The following CASQ2 variants were observed in gnomAD, a reference collection of about 807,000 sequenced individuals.
CASQ2 encodes calsequestrin-2.
Under a neutral mutation model 46.5 loss-of-function variants are expected in CASQ2, and 49 were observed. That is an observed-to-expected ratio of 1.05 (90% CI 0.84 to 1.34). The LOEUF is 1.34. Ranked by LOEUF, CASQ2 falls within the 40% of genes most tolerant of loss-of-function variation. The probability of loss-of-function intolerance (pLI) is 0.00; values close to 1 mark genes in which losing one functional copy is unlikely to be tolerated. For synonymous variants in CASQ2, 174 were observed against 168.5 expected (o/e 1.03, Z -0.25); for missense variants, 486 against 481.3 (o/e 1.01, Z -0.09).
At chr1:115,705,658 C>T (rs1235991458) in intron 8 of CASQ2, among the ~76,000 whole-genome samples, 3 of 152,178 alleles carry the variant, frequency 2.0e-5, no homozygotes, top group Non-Finnish European at 4.4e-5. Flanking sequence ...GCTTTGCTGT[C>T]CCCTAGAGTC....
intron 2 of CASQ2, among the ~76,000 whole-genome samples, chr1:115,743,193 TTTTGTTTATTTATTTATTTA>T (rs766898662): frequency 2.5e-4 from 37 of 147,438 alleles, no homozygotes; most frequent in Admixed American, 1.0e-3. Flanking sequence ...CATTCTTTAT[TTTTGTTTATTTATTTATTTA>T]TTTATTTATT....
intron 5 of CASQ2, among the ~76,000 whole-genome samples, chr1:115,727,532 A>T (rs1647637537): frequency 6.6e-6 from 1 of 152,214 alleles, no homozygotes; most frequent in South Asian, 2.1e-4. Context: ...CAGGCAATTG[A>T]TGGAGATCCT....
intron 1 of CASQ2, among the ~76,000 whole-genome samples, chr1:115,760,356 T>A (rs1648894553): frequency 6.6e-6 from 1 of 152,184 alleles, no homozygotes; most frequent in Non-Finnish European, 1.5e-5. Flanking sequence ...TGGCCTGAGA[T>A]TCTTTGTTTT....
intron 1 of CASQ2, among the ~76,000 whole-genome samples, chr1:115,763,731 C>T (rs2101125057): frequency 6.6e-6 from 1 of 152,266 alleles, no homozygotes; most frequent in South Asian, 2.1e-4. Context: ...TCTGGAAGCC[C>T]GTGTTAGAGC....
intron 8 of CASQ2, among the ~76,000 whole-genome samples, chr1:115,710,065 A>G (rs1654491944): frequency 6.6e-6 from 1 of 152,108 alleles, no homozygotes; most frequent in Non-Finnish European, 1.5e-5. Context: ...GCTCATCTTG[A>G]ACTCCTGGGC....
chr1:115,746,850 A>G (rs547992035), intron 1 of CASQ2, among the ~76,000 whole-genome samples: 381 of 152,308 alleles, frequency 2.5e-3, no homozygotes, highest in African/African-American at 8.5e-3. Flanking sequence ...TTTGATTCAT[A>G]TAATGTATAG....
At chr1:115,709,407 A>T (rs1384979443) in intron 8 of CASQ2, among the ~76,000 whole-genome samples, 1 of 152,240 alleles carries the variant, frequency 6.6e-6, no homozygotes, top group African/African-American at 2.4e-5. Flanking sequence ...TTCCTTTATC[A>T]GTGGTAGACA....
Position 115,705,205 on chromosome 1 carries a change from T to A in CASQ2, c.926A>T (p.Asp309Val), listed in dbSNP as rs72703607. The A allele has an allele frequency of 6.8e-6, 11 of 1,612,278 alleles. No individual in the cohort carries two copies. The highest frequency in any genetic ancestry group is 8.5e-6 in the Non-Finnish European group (10 of 1,178,262). ...PDLSILWIDP[D>V]DFPLLVAYWE... Reference sequence around the variant, plus strand: ...GGAGCCACTCACCAGAGGAAAGTCGTCCGGGTCGATCCACAGGATGCTCAG... The same window carrying A: ...GGAGCCACTCACCAGAGGAAAGTCGACCGGGTCGATCCACAGGATGCTCAG... Residue 309 changes from aspartate to valine, a missense_variant, in exon 9 of 11, where the codon GAC (aspartate) becomes GTC (valine). By Grantham distance (152) the Asp-to-Val change is radical. Transcript: ENST00000261448.
intron 1 of CASQ2, among the ~76,000 whole-genome samples, chr1:115,745,589 G>A (rs952572315): frequency 4.6e-5 from 7 of 152,068 alleles, no homozygotes; most frequent in Non-Finnish European, 1.0e-4. Flanking sequence ...CACAAGATTG[G>A]CATTATGTTA....
rs746810392 is a variant in CASQ2, at chr1:115,718,972, C to T, written c.784-1078G>A. 8.0e-4 allele frequency among the ~76,000 whole-genome samples: 121 copies of T among 152,168 alleles called. 2 individuals carry two copies. Among genetic ancestry groups the T allele is most frequent in the Non-Finnish European group, 6.2e-4 (42 of 68,010 alleles). On this transcript the variant is annotated intron_variant, in intron 7 of 10. Coordinates refer to ENST00000261448, the MANE Select transcript of CASQ2 (RefSeq NM_001232.4). Reference sequence around the variant, plus strand: ...ATGATGAGACATGGGGAGAGGTATGCTTTGGGCACCCTGAACATCATATCA... The same window carrying T: ...ATGATGAGACATGGGGAGAGGTATGTTTTGGGCACCCTGAACATCATATCA...
chr1:115,701,350 T>G lies in CASQ2; in HGVS notation c.1091A>C (p.Asp364Ala). ...TAEELEDWIEDVLSGKINTED... is the reference protein window; with the variant it reads ...TAEELEDWIEAVLSGKINTED... ...AGTGTTTATCTTTCCAGAAAGCACA[T>G]CCTCAATCCAGTCCTCCAGCTCCTC... is the stretch of plus-strand genomic sequence containing the variant. The change falls in exon 11 of 11, where the codon GAT becomes GCT. Residue 364 changes from aspartate to alanine, a missense_variant. Coordinates refer to ENST00000261448, the MANE Select transcript of CASQ2 (RefSeq NM_001232.4). 6.2e-7 allele frequency: 1 copy of G among 1,613,580 alleles called. No individual in the cohort carries two copies. Among genetic ancestry groups the G allele is most frequent in the Non-Finnish European group, 8.5e-7 (1 of 1,179,482 alleles).
At chr1:115,718,904 G>C (rs1647266930) in intron 7 of CASQ2, among the ~76,000 whole-genome samples, 1 of 152,166 alleles carries the variant, frequency 6.6e-6, no homozygotes, top group South Asian at 2.1e-4. Context: ...GGAGGAATAT[G>C]TGTGAGAAAG....
chr1:115,761,486 A>G (rs1648952243), intron 1 of CASQ2, among the ~76,000 whole-genome samples: 1 of 16,100 alleles, frequency 6.2e-5, no homozygotes, highest in Non-Finnish European at 1.4e-4. Flanking sequence ...AAGAAGAAGA[A>G]GGAGAAGAAG....
intron 4 of CASQ2, among the ~76,000 whole-genome samples, chr1:115,736,826 T>TA (rs2101090402): frequency 6.6e-6 from 1 of 152,308 alleles, no homozygotes; most frequent in Non-Finnish European, 1.5e-5. Flanking sequence ...AACATGCAGG[T>TA]AATAATGATA....
rs755925323 is a variant in CASQ2, at chr1:115,768,289, A to G, written c.234+19T>C. The G allele has an allele frequency of 6.6e-7, 1 of 1,521,510 alleles. No individual in the cohort carries two copies. Among genetic ancestry groups the G allele is most frequent in the Non-Finnish European group, 9.1e-7 (1 of 1,095,812 alleles). 94.3% of individuals were successfully genotyped at this position (1,521,510 alleles called of 1,614,324 possible). On this transcript the variant is annotated intron_variant, in intron 1 of 10. Coordinates refer to ENST00000261448, the MANE Select transcript of CASQ2 (RefSeq NM_001232.4). ...ACCTCACTGAGGCAGCGCAGACAGC[A>G]TGCCCTTTGGTTACTTACCTCAAGC... is the stretch of plus-strand genomic sequence containing the variant.
In CASQ2 at chr1:115,706,974, G is replaced by A. The variant is rs539450333; in HGVS notation, c.839-1682C>T. On this transcript the variant is annotated intron_variant, in intron 8 of 10. Transcript: ENST00000261448. ...TTGCTAGCTCACACTGAAGATTCAG[G>A]CTGAGCCCCCTTAGGCCTTATTACC... Among the ~76,000 whole-genome samples the A allele has an allele frequency of 1.1e-3, 172 of 152,076 alleles. 1 individual carries two copies. Among genetic ancestry groups the A allele is most frequent in the Middle Eastern group, 3.4e-3 (1 of 294 alleles).
Position 115,744,684 on chromosome 1 carries a change from C to T in CASQ2, c.319+144G>A, listed in dbSNP as rs10127797. On this transcript the variant is annotated intron_variant, in intron 2 of 10. Coordinates refer to ENST00000261448, the MANE Select transcript of CASQ2 (RefSeq NM_001232.4). ...TATTTACTTTTATGAAACTCTTCTC[C>T]AACCAAAGATGAAGGTATGCAGGAT... The T allele has an allele frequency of 0.29, 200,358 of 682,516 alleles. 30,610 individuals carry two copies. The highest frequency in any genetic ancestry group is 0.37 in the East Asian group (13,256 of 36,012). The allele number at this position is 682,516 out of a possible 1,614,324, so 42.3% of individuals were successfully genotyped here.
intron 8 of CASQ2, among the ~76,000 whole-genome samples, 169 bp from the exon 9 acceptor site, chr1:115,705,461 G>C (rs1201052362): frequency 6.6e-6 from 1 of 152,192 alleles, no homozygotes; most frequent in African/African-American, 2.4e-5. Flanking sequence ...GCACAGAGCA[G>C]ATTATACAAA....
At chr1:115,740,904 T>A in intron 2 of CASQ2, 76 bp from the exon 3 acceptor site, 1 of 1,008,460 alleles carries the variant, frequency 9.9e-7, no homozygotes, top group Non-Finnish European at 1.6e-6. Flanking sequence ...GAGGTCTGGC[T>A]GAGGGTTTCT....
Sources: allele counts gnomAD v4.1 joint callset (sites outside exome capture counted in the v4.1 genomes callset), GRCh38; gene constraint gnomAD v4.1.1; transcripts MANE v1.5; gene names NCBI Gene and HGNC (gene_info 2026-07-23, HGNC 2026-07-21).